The following FBLN7 variants were observed in gnomAD, a reference collection of about 807,000 sequenced individuals.
FBLN7 encodes fibulin 7.
Under a neutral mutation model 44.0 loss-of-function variants are expected in FBLN7, and 31 were observed. The ratio of observed to expected loss-of-function variants is 0.70; its 90% confidence interval spans 0.53 to 0.95. FBLN7 has a LOEUF of 0.95. Among genes scored for constraint, FBLN7 ranks in the 40% least tolerant of loss-of-function variants. The probability of loss-of-function intolerance (pLI) is 0.00; values close to 1 mark genes in which losing one functional copy is unlikely to be tolerated. For missense variants in FBLN7, 573 were observed against 618.5 expected, an observed-to-expected ratio of 0.93 and a Z score of 0.78; for synonymous variants, 262 against 253.4, an observed-to-expected ratio of 1.03 and a Z score of -0.32.
chr2:112,160,770 GCAGA>G (rs1558880231), intron 2 of FBLN7, among the ~76,000 whole-genome samples: 56 of 36,146 alleles, frequency 1.5e-3, no homozygotes, highest in African/African-American at 6.6e-3. Context: ...GCACGCACAC[GCAGA>G]CGCACACGCA....
the FBLN7 span, among the ~76,000 whole-genome samples, chr2:112,242,521 A>G: frequency 2.6e-5 from 4 of 152,180 alleles, no homozygotes; most frequent in African/African-American, 4.8e-5. Context: ...ACCTCATGCT[A>G]TTTAATTTTT....
chr2:112,201,793 A>AT, the FBLN7 span, among the ~76,000 whole-genome samples: 1 of 152,218 alleles, frequency 6.6e-6, no homozygotes, highest in Non-Finnish European at 1.5e-5. Flanking sequence ...TTTTATGTGC[A>AT]TTTGGCTGAA....
chr2:112,179,672 G>A (rs1682891724), intron 4 of FBLN7, among the ~76,000 whole-genome samples: 1 of 152,146 alleles, frequency 6.6e-6, no homozygotes, highest in Admixed American at 6.6e-5. Context: ...GGAATAGAGA[G>A]CACAGAAATA....
At chr2:112,178,644 C>T (rs191184150) in intron 4 of FBLN7, among the ~76,000 whole-genome samples, 4 of 152,236 alleles carry the variant, frequency 2.6e-5, no homozygotes, top group African/African-American at 4.8e-5. Context: ...CATGAAAAAG[C>T]GAATCCACCA....
At chr2:112,196,875 C>T in the FBLN7 span, among the ~76,000 whole-genome samples, 5 of 152,190 alleles carry the variant, frequency 3.3e-5, no homozygotes, top group South Asian at 2.1e-4. Flanking sequence ...ACAATCATAG[C>T]GGAAGGCAAA....
At chr2:112,218,002 C>A in the FBLN7 span, among the ~76,000 whole-genome samples, 3 of 152,106 alleles carry the variant, frequency 2.0e-5, no homozygotes, top group African/African-American at 7.2e-5. Flanking sequence ...CAAACTCCTG[C>A]CTCCACCTCC....
the FBLN7 span, among the ~76,000 whole-genome samples, chr2:112,225,518 C>T: frequency 6.6e-6 from 1 of 152,042 alleles, no homozygotes; most frequent in African/African-American, 2.4e-5. Flanking sequence ...GATTAAAAGC[C>T]TCAATGTCAC....
At chr2:112,157,482 T>C (rs1291326213) in intron 1 of FBLN7, among the ~76,000 whole-genome samples, 2 of 152,222 alleles carry the variant, frequency 1.3e-5, no homozygotes, top group African/African-American at 4.8e-5. Flanking sequence ...GAGTCCAGGC[T>C]GTGCTGTTGT....
chr2:112,144,978 T>A (rs976710396), intron 1 of FBLN7, among the ~76,000 whole-genome samples: 1 of 152,248 alleles, frequency 6.6e-6, no homozygotes, highest in African/African-American at 2.4e-5. Context: ...GGAGTGGGAT[T>A]GTTGGGTCAT....
intron 1 of FBLN7, among the ~76,000 whole-genome samples, chr2:112,141,606 C>G (rs369115544): frequency 1.3e-4 from 20 of 152,240 alleles, no homozygotes; most frequent in African/African-American, 4.6e-4. Context: ...CTCCTATCAA[C>G]TTTGCAGGTT....
At chr2:112,223,566 T>TTTAA in the FBLN7 span, among the ~76,000 whole-genome samples, 1 of 152,142 alleles carries the variant, frequency 6.6e-6, no homozygotes, top group Admixed American at 6.5e-5. Flanking sequence ...TATAAGAATA[T>TTTAA]TTAATTTAAA....
intron 2 of FBLN7, among the ~76,000 whole-genome samples, chr2:112,160,636 GCACACACACGCGCACGCA>G (rs1392054429): frequency 4.1e-5 from 6 of 147,148 alleles, no homozygotes; most frequent in Non-Finnish European, 7.5e-5. Context: ...CTCTGTGCGT[GCACACACACGCGCACGCA>G]CACGCGCACG....
chr2:112,145,560 T>A (rs1280120762), intron 1 of FBLN7, among the ~76,000 whole-genome samples: 2 of 152,378 alleles, frequency 1.3e-5, no homozygotes, highest in Non-Finnish European at 1.5e-5. Context: ...TAAATTTTAA[T>A]GAACTTTAGT....
At chr2:112,140,293 C>T (rs1178545351) in intron 1 of FBLN7, among the ~76,000 whole-genome samples, 1 of 151,742 alleles carries the variant, frequency 6.6e-6, no homozygotes, top group Admixed American at 6.6e-5. Context: ...TCCCTCCCGC[C>T]TCTCTCCAGG....
the FBLN7 span, among the ~76,000 whole-genome samples, chr2:112,211,150 T>C: frequency 6.6e-6 from 1 of 152,198 alleles, no homozygotes; most frequent in Non-Finnish European, 1.5e-5. Context: ...TTCCTATCTT[T>C]GACTTCAGAA....
chr2:112,200,751 G>A, the FBLN7 span, among the ~76,000 whole-genome samples: 3 of 152,102 alleles, frequency 2.0e-5, no homozygotes, highest in Admixed American at 6.5e-5. Flanking sequence ...GGCTGGTCTC[G>A]AACTCCTGAG....
At position 112,155,402 on chromosome 2, in the gene FBLN7, G is replaced by A. The variant is rs1292910185; in HGVS notation, c.76-4274G>A. 2.6e-5 allele frequency among the ~76,000 whole-genome samples: 4 copies of A among 152,282 alleles called. No homozygotes were observed. In the East Asian group the frequency reaches 7.7e-4, roughly 29 times the overall value. On this transcript the variant is annotated intron_variant, in intron 1 of 7. Coordinates refer to ENST00000331203, the MANE Select transcript of FBLN7 (RefSeq NM_153214.3). Reference sequence around the variant, plus strand: ...CCCTCAAACCTCATGTCAAAGGCACGGATACTCTCTGCTTCTCGGGCTCCC... The same window carrying A: ...CCCTCAAACCTCATGTCAAAGGCACAGATACTCTCTGCTTCTCGGGCTCCC...
At chr2:112,230,721 C>T in the FBLN7 span, 6 of 275,630 alleles carry the variant, frequency 2.2e-5, no homozygotes, top group Non-Finnish European at 4.0e-5. Flanking sequence ...CAAGCCCACA[C>T]AAGGAAGCAG....
At chr2:112,205,808 T>C in the FBLN7 span, among the ~76,000 whole-genome samples, 1 of 152,186 alleles carries the variant, frequency 6.6e-6, no homozygotes, top group Admixed American at 6.5e-5. Context: ...TCTAGTTCCT[T>C]TGCCTTTCCA....
Sources: allele counts gnomAD v4.1 joint callset (sites outside exome capture counted in the v4.1 genomes callset), GRCh38; gene constraint gnomAD v4.1.1; transcripts MANE v1.5; gene names NCBI Gene and HGNC (gene_info 2026-07-23, HGNC 2026-07-21).